Variants in HSF1 observed in about 807,000 individuals in gnomAD.
The protein encoded by HSF1 is heat shock factor protein 1.
HSF1 carries 32 observed loss-of-function variants against 51.7 expected under a neutral mutation model. That is an observed-to-expected ratio of 0.62 (90% CI 0.47 to 0.83). The LOEUF (loss-of-function observed/expected upper bound fraction) is 0.83, where lower values mean the gene tolerates loss of function less well. Among genes scored for constraint, HSF1 ranks in the 40% least tolerant of loss-of-function variants. The pLI is 0.00. For missense variants in HSF1, 727 were observed against 717.0 expected, an observed-to-expected ratio of 1.01 and a Z score of -0.16; for synonymous variants, 396 against 309.7, an observed-to-expected ratio of 1.28 and a Z score of -2.92.
At position 144,313,914 on chromosome 8, in the gene HSF1, G is replaced by A. The variant is rs1554845881; in HGVS notation, c.1314+3G>A. ...ACCTTGACAGCAGCCTGGCCAGTGTGCGTAGGCGGGCGGGGGGTGAGGGGG... is the reference window on the plus strand; with the variant it reads ...ACCTTGACAGCAGCCTGGCCAGTGTACGTAGGCGGGCGGGGGGTGAGGGGG... On this transcript the variant is annotated splice_donor_region_variant and intron_variant, in intron 11 of 12. Transcript: ENST00000528838. 3.1e-6 allele frequency: 5 copies of A among 1,609,604 alleles called. No homozygotes were observed. The highest frequency in any genetic ancestry group is 8.5e-7 in the Non-Finnish European group (1 of 1,179,156).
At chr8:144,301,801 C>G (rs1554842355) in intron 1 of HSF1, among the ~76,000 whole-genome samples, 2 of 141,518 alleles carry the variant, frequency 1.4e-5, no homozygotes, top group East Asian at 2.2e-4. Context: ...GGAGGCAGAG[C>G]TTGCAGTGAG....
In HSF1 at chr8:144,309,780, C is replaced by A. The variant is rs1205192866; in HGVS notation, c.372C>A (p.Thr124=). The change falls in exon 4 of 13, where the codon ACC becomes ACA. Residue 124 remains threonine, a synonymous_variant. Transcript: ENST00000528838. ...CCCTCTCGGGAATCCAGGTGTCCAC[C>A]CTGAAGAGTGAAGACATAAAGATCC... ...NIKRKVTSVS[T]LKSEDIKIRQ... is the part of the protein sequence containing the mutation. The A allele has an allele frequency of 6.2e-7, 1 of 1,613,708 alleles. No homozygotes were observed.
rs1815543018 is a variant in HSF1 at position 144,297,411 on chromosome 8, T to C, written c.117+5537T>C. Among the ~76,000 whole-genome samples, 1 of 152,120 alleles carries C rather than the reference T, an allele frequency of 6.6e-6. No homozygotes were observed. Among genetic ancestry groups the C allele is most frequent in the South Asian group, 2.1e-4 (1 of 4,826 alleles). ...GCCAGTGACGAGATGTGATGAGAGA[T>C]GAGGGCGATTGTGCTGCTCTTGGTC... On this transcript the variant is annotated intron_variant, in intron 1 of 12. Transcript: ENST00000528838. This position sits in a 1 kb window ranked among gnomAD's most constrained non-coding sequence, Gnocchi z 4.6.
At chr8:144,293,635 A>T (rs1482231062) in intron 1 of HSF1, 1 of 151,412 alleles carries the variant, frequency 6.6e-6, no homozygotes, top group Non-Finnish European at 1.5e-5. Flanking sequence ...ACGGGGTTTC[A>T]CCACATTGGA....
At chr8:144,302,052 G>A (rs1366618457) in intron 1 of HSF1, among the ~76,000 whole-genome samples, 3 of 150,528 alleles carry the variant, frequency 2.0e-5, no homozygotes, top group Non-Finnish European at 4.4e-5. Context: ...TGTAATCCCC[G>A]CTACTCGGGA....
intron 1 of HSF1, among the ~76,000 whole-genome samples, chr8:144,302,505 TA>T (rs1215344639): frequency 2.2e-4 from 31 of 139,170 alleles, no homozygotes; most frequent in African/African-American, 5.3e-4. Flanking sequence ...AGACTCCATC[TA>T]AAAAAAAAAG....
chr8:144,308,921 CA>C lies in HSF1; in HGVS notation c.134del (p.His45ProfsTer75). ...ICWSPSGNSFHVFDQGQFAKE... is the reference protein window; with the variant it reads ...ICWSPSGNSFXVFDQGQFAKE... ...TCCCTTTCAGAGCGGGAACAGCTTC[CA>C]CGTGTTCGACCAGGGCCAGTTTGCC... On this transcript the variant is annotated frameshift_variant, in exon 2 of 13. Transcript: ENST00000528838. LOFTEE classifies it high-confidence loss of function. 6.2e-7 allele frequency: 1 copy of C among 1,614,058 alleles called. No individual in the cohort carries two copies. Among genetic ancestry groups the C allele is most frequent in the Non-Finnish European group, 8.5e-7 (1 of 1,179,902 alleles).
In HSF1 at chr8:144,312,185, T is replaced by TTCCCACCCC; in HGVS notation, c.1083_1084insTCCCACCCC (p.Pro361_Pro362insSerHisPro). ...GCCACACGGACACCGAGGGCCGGCC[T>TTCCCACCCC]CCCTCCCCCCCGCCCACCTCCACCC... On this transcript the variant is annotated inframe_insertion, in exon 9 of 13. Transcript: ENST00000528838. The TTCCCACCCC allele has an allele frequency of 6.5e-7, 1 of 1,532,952 alleles. No individual in the cohort carries two copies. The highest frequency in any genetic ancestry group is 8.9e-7 in the Non-Finnish European group (1 of 1,117,512). 95.0% of individuals were successfully genotyped at this position (1,532,952 alleles called of 1,614,324 possible).
chr8:144,313,892 T>G lies in HSF1; in HGVS notation c.1295T>G (p.Leu432Arg). ...VTVPDMSLPDLDSSLASIQEL... is the reference protein window; with the variant it reads ...VTVPDMSLPDRDSSLASIQEL... ...GTGCCCGACATGAGCCTGCCTGACC[T>G]TGACAGCAGCCTGGCCAGTGTGCGT... The change falls in exon 11 of 13, where the codon CTT (leucine) becomes CGT (arginine). Residue 432 changes from leucine to arginine, a missense_variant. By Grantham distance (102) the Leu-to-Arg change is moderately radical. This residue lies in a region of HSF1 where 470 missense variants were observed against 398.8 expected (regional missense o/e 1.18). Coordinates refer to ENST00000528838, the MANE Select transcript of HSF1 (RefSeq NM_005526.4). 6.2e-7 allele frequency: 1 copy of G among 1,606,412 alleles called. No individual in the cohort carries two copies. The highest frequency in any genetic ancestry group is 8.5e-7 in the Non-Finnish European group (1 of 1,178,444).
Position 144,291,646 on chromosome 8 carries a change from T to A in HSF1, c.-112T>A, listed in dbSNP as rs1351090621. On this transcript the variant is annotated 5_prime_UTR_variant, in exon 1 of 13. Transcript: ENST00000528838. This position sits in a 1 kb window ranked among gnomAD's most constrained non-coding sequence, Gnocchi z 4.1. ...GGCCATGCTGGGCCCCGGGGCTGTGTGTGCGCAGCGGGCGGCGGCGCGGCC... is the reference window on the plus strand; with the variant it reads ...GGCCATGCTGGGCCCCGGGGCTGTGAGTGCGCAGCGGGCGGCGGCGCGGCC... 1 of 574,990 alleles carries A rather than the reference T, an allele frequency of 1.7e-6. No individual in the cohort carries two copies. The highest frequency in any genetic ancestry group is 2.7e-6 in the Non-Finnish European group (1 of 364,666). The allele number at this position is 574,990 out of a possible 1,614,324, so 35.6% of individuals were successfully genotyped here.
rs150604024 is a variant in HSF1 at position 144,297,174 on chromosome 8, G to A, written c.117+5300G>A. Among the ~76,000 whole-genome samples, 1 of 152,182 alleles carries A rather than the reference G, an allele frequency of 6.6e-6. No individual in the cohort carries two copies. The highest frequency in any genetic ancestry group is 6.5e-5 in the Admixed American group (1 of 15,284). ...GTGGGGCTCACAGTGCCTTCCCAGA[G>A]GAAGCAAGCAGCTCCCATCGGGTAT... On this transcript the variant is annotated intron_variant, in intron 1 of 12. Transcript: ENST00000528838. This position sits in a 1 kb window ranked among gnomAD's most constrained non-coding sequence, Gnocchi z 4.6.
chr8:144,305,189 C>T (rs761616681), intron 1 of HSF1, among the ~76,000 whole-genome samples: 2 of 152,106 alleles, frequency 1.3e-5, no homozygotes, highest in Admixed American at 6.6e-5. Context: ...TCAGGTGATC[C>T]GCCTGGCTCA....
chr8:144,309,973 G>C (rs1257805977), intron 4 of HSF1, 77 bp downstream of exon 4: 2 of 1,526,372 alleles, frequency 1.3e-6, no homozygotes, highest in African/African-American at 2.8e-5. Flanking sequence ...GTGGGGGCAG[G>C]GCCCTGACCG....
rs928525767 is a variant in HSF1, at chr8:144,297,242, G to T, written c.117+5368G>T. 3.9e-5 allele frequency among the ~76,000 whole-genome samples: 6 copies of T among 152,178 alleles called. No individual in the cohort carries two copies. The East Asian group carries it at 1.2e-3, about 29-fold the overall frequency. ...CCAGGGTCTCCTCAAGGTCTGGCAG[G>T]TGGAGGGGAGGCTGTCTAAGGAAAG... On this transcript the variant is annotated intron_variant, in intron 1 of 12. Coordinates refer to ENST00000528838, the MANE Select transcript of HSF1 (RefSeq NM_005526.4). This position sits in a 1 kb window ranked among gnomAD's most constrained non-coding sequence, Gnocchi z 4.6.
intron 1 of HSF1, among the ~76,000 whole-genome samples, chr8:144,294,187 G>A (rs1588621372): frequency 6.6e-6 from 1 of 152,264 alleles, no homozygotes; most frequent in East Asian, 1.9e-4. Context: ...AAACTGGAAG[G>A]AAGCCCTTCT....
chr8:144,309,648 G>A (rs1466374618), intron 3 of HSF1, 57 bp downstream of exon 3: 30 of 754,464 alleles, frequency 4.0e-5, no homozygotes, highest in Non-Finnish European at 5.5e-5. Context: ...CTCCCCGCCC[G>A]CCCCTCCCTG....
Position 144,311,511 on chromosome 8 carries a change from G to C in HSF1, c.633G>C (p.Leu211=). Residue 211 remains leucine (L), a synonymous_variant, in exon 7 of 13, where the codon CTG becomes CTC. Transcript: ENST00000528838. ...RILGVKRKIP[L]MLNDSGSAHS... ...CCTGCACCCTTCCCCACAGCCCCCT[G>C]ATGCTGAACGACAGTGGCTCAGCAC... 1 of 1,613,648 alleles carries C rather than the reference G, an allele frequency of 6.2e-7. No individual in the cohort carries two copies. Among genetic ancestry groups the C allele is most frequent in the Non-Finnish European group, 8.5e-7 (1 of 1,179,968 alleles).
intron 1 of HSF1, among the ~76,000 whole-genome samples, chr8:144,295,513 C>G (rs1815394652): frequency 6.6e-6 from 1 of 152,240 alleles, no homozygotes; most frequent in African/African-American, 2.4e-5. Context: ...GCCTCAGGAT[C>G]AGGGTGAGGC....
intron 4 of HSF1, 118 bp downstream of exon 4, chr8:144,310,014 C>A: frequency 1.6e-6 from 2 of 1,218,760 alleles, no homozygotes; most frequent in Non-Finnish European, 2.3e-6. Flanking sequence ...CCCTCCCGCT[C>A]CACGCACATC....
Sources: allele counts gnomAD v4.1 joint callset (sites outside exome capture counted in the v4.1 genomes callset), GRCh38; gene constraint gnomAD v4.1.1; regional missense constraint gnomAD v4.1.1; non-coding constraint Gnocchi (gnomAD v3.1); transcripts MANE v1.5; gene names NCBI Gene and HGNC (gene_info 2026-07-23, HGNC 2026-07-21).